The following DMD variants were observed in gnomAD, a reference collection of about 807,000 sequenced individuals.
DMD encodes dystrophin.
A neutral mutation model predicts 330.1 loss-of-function variants in DMD; 63 were observed. The observed-to-expected ratio is 0.19, with a 90% CI of 0.16 to 0.24. The LOEUF is 0.24. Among genes scored for constraint, DMD ranks in the 10% least tolerant of loss-of-function variants. The pLI is 1.00. For missense variants in DMD, 3,344 were observed against 2,684.1 expected (o/e 1.25, Z -5.43); for synonymous variants, 1,223 against 959.8 (o/e 1.27, Z -5.07).
chrX:31,937,984 A>G (rs755758588), intron 45 of DMD, among the ~76,000 whole-genome samples: 9 of 111,989 alleles, frequency 8.0e-5, no homozygotes, highest in African/African-American at 1.9e-4. Flanking sequence ...AATGTTCCCA[A>G]TGAAATTAAA....
intron 44 of DMD, among the ~76,000 whole-genome samples, chrX:32,092,726 T>TTA (rs1368447165): frequency 6.1e-5 from 1 of 16,464 alleles, no homozygotes; most frequent in Non-Finnish European, 1.2e-4. Context: ...TATTTTCACT[T>TTA]TTTTTTTTTT....
intron 55 of DMD, among the ~76,000 whole-genome samples, chrX:31,592,935 A>G (rs781356158): frequency 1.8e-5 from 2 of 111,350 alleles, no homozygotes; most frequent in Admixed American, 9.6e-5. Flanking sequence ...AAGTGTGTAC[A>G]TGATTTAGCT....
rs767037854 is a variant in DMD, at chrX:32,477,406, C to A, written c.2804-5097G>T. ...CATCTAAAATTATAGTAAAGGAATACAAAAAAGAAGTTTTCTGCACCTTTT... is the reference window on the plus strand; with the variant it reads ...CATCTAAAATTATAGTAAAGGAATAAAAAAAAGAAGTTTTCTGCACCTTTT... On this transcript the variant is annotated intron_variant, in intron 21 of 78. Coordinates refer to ENST00000357033, the MANE Select transcript of DMD (RefSeq NM_004006.3). Among the ~76,000 whole-genome samples the A allele has an allele frequency of 5.5e-5, 6 of 110,003 alleles. No homozygotes were observed. The South Asian group carries it at 1.9e-3, about 35-fold the overall frequency.
chrX:32,827,332 C>A (rs763398447), intron 4 of DMD, among the ~76,000 whole-genome samples: 43 of 110,912 alleles, frequency 3.9e-4, no homozygotes, highest in African/African-American at 1.3e-3. Context: ...AGAAAGCATG[C>A]CAGAAAGCAT....
At chrX:31,300,505 G>T (rs1233439498) in intron 62 of DMD, among the ~76,000 whole-genome samples, 1 of 111,966 alleles carries the variant, frequency 8.9e-6, no homozygotes, top group Non-Finnish European at 1.9e-5. Context: ...TAAGCCAAGG[G>T]TACTGCACTT....
chrX:31,273,991 G>A (rs1603279199), intron 62 of DMD, among the ~76,000 whole-genome samples: 1 of 112,364 alleles, frequency 8.9e-6, no homozygotes, highest in Non-Finnish European at 1.9e-5. Flanking sequence ...AGCCTGTCAG[G>A]CAGGTATGAT....
intron 55 of DMD, among the ~76,000 whole-genome samples, chrX:31,571,533 C>T (rs1308753366): frequency 4.5e-5 from 5 of 110,916 alleles, no homozygotes; most frequent in African/African-American, 1.6e-4. Flanking sequence ...CTTCTTTCCT[C>T]GGTATGGAAC....
At chrX:31,370,928 T>C (rs148158750) in intron 60 of DMD, among the ~76,000 whole-genome samples, 1,220 of 112,022 alleles carry the variant, frequency 0.011, 15 homozygotes, top group African/African-American at 0.038. Flanking sequence ...CATCCCAAAA[T>C]ATTACATACT....
At chrX:32,786,272 A>G (rs1310999172) in intron 7 of DMD, among the ~76,000 whole-genome samples, 1 of 110,070 alleles carries the variant, frequency 9.1e-6, no homozygotes, top group Non-Finnish European at 1.9e-5. Context: ...TTTTTTTTTT[A>G]ATCCACATAT....
At chrX:31,707,844 C>T (rs1446381042) in intron 52 of DMD, among the ~76,000 whole-genome samples, 1 of 110,509 alleles carries the variant, frequency 9.0e-6, no homozygotes, top group Non-Finnish European at 1.9e-5. Context: ...AAGCCCGAAT[C>T]TCCCTTTAAT....
intron 34 of DMD, among the ~76,000 whole-genome samples, chrX:32,374,221 A>C (rs967506625): frequency 5.4e-5 from 6 of 111,078 alleles, no homozygotes; most frequent in Non-Finnish European, 9.5e-5. Flanking sequence ...GTCAGATGCA[A>C]AGTTTGCAAA....
chrX:32,652,742 T>C (rs1444092239), intron 9 of DMD, among the ~76,000 whole-genome samples: 1 of 111,690 alleles, frequency 9.0e-6, no homozygotes, highest in Non-Finnish European at 1.9e-5. Context: ...TTGCACACTC[T>C]CTTCCACAAT....
chrX:32,969,337 C>T (rs1197435556), intron 2 of DMD, among the ~76,000 whole-genome samples: 1 of 92,560 alleles, frequency 1.1e-5, no homozygotes, highest in Non-Finnish European at 2.0e-5. Context: ...CGTGCTACCA[C>T]ATACATAGAT....
chrX:32,030,510 G>C (rs891632877), intron 44 of DMD, among the ~76,000 whole-genome samples: 4 of 112,075 alleles, frequency 3.6e-5, no homozygotes, highest in South Asian at 3.7e-4. Context: ...AGATGATAAG[G>C]AGATAGCAGT....
intron 50 of DMD, among the ~76,000 whole-genome samples, chrX:31,817,945 CT>C (rs2092672511): frequency 1.8e-5 from 2 of 111,943 alleles, no homozygotes; most frequent in African/African-American, 3.3e-5. Context: ...CATCAGTTTT[CT>C]GATGTTCTCT....
intron 30 of DMD, among the ~76,000 whole-genome samples, chrX:32,390,402 A>T (rs1232831946): frequency 9.1e-6 from 1 of 109,722 alleles, no homozygotes; most frequent in Non-Finnish European, 1.9e-5. Context: ...AATATTTTTT[A>T]CTTTCATAAA....
chrX:32,144,051 T>C (rs2147092923), intron 44 of DMD, among the ~76,000 whole-genome samples: 1 of 111,849 alleles, frequency 8.9e-6, no homozygotes, highest in South Asian at 3.7e-4. Flanking sequence ...CTAATCTGCT[T>C]TTATTTCTTT....
intron 17 of DMD, among the ~76,000 whole-genome samples, chrX:32,537,183 C>A (rs552691585): frequency 9.0e-6 from 1 of 111,035 alleles, no homozygotes; most frequent in Admixed American, 9.6e-5. Context: ...TAGAGTTATA[C>A]GATCTAAACT....
chrX:32,413,395 T>C lies in DMD; in HGVS notation c.4072-1482A>G, dbSNP rs143224708. Among the ~76,000 whole-genome samples, 536 of 111,909 alleles carry C rather than the reference T, an allele frequency of 4.8e-3. 2 individuals are homozygous for C. The highest frequency in any genetic ancestry group is 0.016 in the African/African-American group (492 of 30,767). On this transcript the variant is annotated intron_variant, in intron 29 of 78. Coordinates refer to ENST00000357033, the MANE Select transcript of DMD (RefSeq NM_004006.3). ...AAATAATGATTCCCTTTATTAGATG[T>C]AATTCTAGATATTTCTACTTCCTCT... is the stretch of plus-strand genomic sequence containing the variant.
Sources: gnomAD v4.1 joint callset for allele counts (sites outside exome capture counted in the v4.1 genomes callset) on GRCh38, gnomAD v4.1.1 for gene constraint, MANE v1.5 for transcripts, NCBI Gene and HGNC (gene_info 2026-07-23, HGNC 2026-07-21) for gene names.